Variants in XIRP2 observed in about 807,000 individuals in gnomAD.
XIRP2 encodes xin actin-binding repeat-containing protein 2.
A neutral mutation model predicts 277.0 loss-of-function variants in XIRP2; 236 were observed. The observed-to-expected ratio is 0.85, with a 90% CI of 0.77 to 0.95. XIRP2 has a LOEUF of 0.95. Ranked by LOEUF, XIRP2 falls within the 40% of genes least tolerant of loss-of-function variation. The probability of loss-of-function intolerance (pLI) is 0.00; values close to 1 mark genes in which losing one functional copy is unlikely to be tolerated. For missense variants in XIRP2, 4,640 were observed against 4,157.5 expected (o/e 1.12, Z -3.19); for synonymous variants, 1,490 against 1,416.5 (o/e 1.05, Z -1.17).
At chr2:166,986,359 G>A (rs1356780970) in intron 2 of XIRP2, among the ~76,000 whole-genome samples, 1 of 152,214 alleles carries the variant, frequency 6.6e-6, no homozygotes, top group African/African-American at 2.4e-5. Context: ...CCACTGGAGA[G>A]AGGATTTTTA....
In XIRP2 at chr2:167,075,997, A is replaced by T. The variant is rs114745013; in HGVS notation, c.409-59912A>T. On this transcript the variant is annotated intron_variant, in intron 2 of 10. Transcript: ENST00000409195. The stretch of plus-strand genomic sequence containing the variant: ...AGCCAAGACTTGTCTTTCAACAAGA[A>T]CTAATGAGCACTCAGTTTGCAGAAT... Among the ~76,000 whole-genome samples, 1,065 of 152,188 alleles carry T rather than the reference A, an allele frequency of 7.0e-3. 13 individuals carry two copies. Among genetic ancestry groups the T allele is most frequent in the African/African-American group, 0.024 (1,008 of 41,508 alleles).
intron 2 of XIRP2, among the ~76,000 whole-genome samples, chr2:166,988,259 C>G (rs1687066974): frequency 6.6e-6 from 1 of 152,104 alleles, no homozygotes; most frequent in African/African-American, 2.4e-5. Flanking sequence ...AAGAAAACCG[C>G]AGACAAACCC....
chr2:167,000,385 T>C (rs549832379), intron 2 of XIRP2, among the ~76,000 whole-genome samples: 1 of 152,254 alleles, frequency 6.6e-6, no homozygotes, highest in East Asian at 1.9e-4. Flanking sequence ...CCTGTAGAGT[T>C]TCCTTAATTG....
At chr2:166,975,186 A>T (rs1012284414) in intron 2 of XIRP2, among the ~76,000 whole-genome samples, 2 of 152,214 alleles carry the variant, frequency 1.3e-5, no homozygotes, top group African/African-American at 4.8e-5. Context: ...GGATAAATAG[A>T]TCTACAACAG....
intron 2 of XIRP2, among the ~76,000 whole-genome samples, chr2:166,944,049 A>T (rs753356697): frequency 3.3e-5 from 5 of 152,190 alleles, no homozygotes; most frequent in Non-Finnish European, 7.4e-5. Flanking sequence ...GACCCTCTGA[A>T]TTGTTTCCCA....
chr2:167,039,351 T>C (rs750754825), intron 2 of XIRP2, among the ~76,000 whole-genome samples: 1 of 152,194 alleles, frequency 6.6e-6, no homozygotes, highest in Non-Finnish European at 1.5e-5. Flanking sequence ...ACAGTATTTG[T>C]TACATGCCAG....
chr2:167,186,416 T>C (rs759129535), intron 3 of XIRP2, among the ~76,000 whole-genome samples: 1 of 152,218 alleles, frequency 6.6e-6, no homozygotes, highest in Non-Finnish European at 1.5e-5. Context: ...ATAGAGTATA[T>C]AGGTCAGGTG....
rs535013019 is a variant in XIRP2 at position 167,127,760 on chromosome 2, A to G, written c.409-8149A>G. ...TTAATTCACTTCCTGGCCCTTAAGAATGAAACTCCAGCATCATTTTTAAAG... is the reference window on the plus strand; with the variant it reads ...TTAATTCACTTCCTGGCCCTTAAGAGTGAAACTCCAGCATCATTTTTAAAG... On this transcript the variant is annotated intron_variant, in intron 2 of 10. Transcript: ENST00000409195. Among the ~76,000 whole-genome samples, 16 of 152,332 alleles carry G rather than the reference A, an allele frequency of 1.1e-4. 1 individual carries two copies. In the South Asian group the frequency reaches 3.3e-3, roughly 32 times the overall value.
At chr2:167,132,185 T>G (rs915170000) in intron 2 of XIRP2, among the ~76,000 whole-genome samples, 4 of 152,136 alleles carry the variant, frequency 2.6e-5, no homozygotes, top group African/African-American at 9.7e-5. Flanking sequence ...AACTGCTCTT[T>G]CCACATGTAT....
chr2:167,204,151 G>C (rs952323414), intron 3 of XIRP2, among the ~76,000 whole-genome samples: 1 of 151,978 alleles, frequency 6.6e-6, no homozygotes, highest in Non-Finnish European at 1.5e-5. Flanking sequence ...TTAAATGAAG[G>C]CTTCTTACAT....
chr2:167,106,381 A>G (rs188307034), intron 2 of XIRP2, among the ~76,000 whole-genome samples: 2 of 151,864 alleles, frequency 1.3e-5, no homozygotes, highest in Admixed American at 1.3e-4. Flanking sequence ...GTTTCTGCCT[A>G]TTGATATCCA....
In XIRP2 at chr2:167,248,048, C is replaced by T; in HGVS notation, c.6656C>T (p.Thr2219Ile). ...CAGCTTTTGCCTGTAGAGCAAGACACATCCAATGTAACAGAAATGAAAGTC... is the reference window on the plus strand; with the variant it reads ...CAGCTTTTGCCTGTAGAGCAAGACATATCCAATGTAACAGAAATGAAAGTC... ...MWQLLPVEQD[T>I]SNVTEMKVSE... The change falls in exon 9 of 11, where the codon ACA (threonine) becomes ATA (isoleucine). Residue 2219 changes from threonine (T) to isoleucine (I), a missense_variant. Transcript: ENST00000409195. The T allele has an allele frequency of 6.2e-7, 1 of 1,613,610 alleles. No individual in the cohort carries two copies. Among genetic ancestry groups the T allele is most frequent in the Non-Finnish European group, 8.5e-7 (1 of 1,179,740 alleles).
At chr2:167,190,870 T>G (rs1693308753) in intron 3 of XIRP2, among the ~76,000 whole-genome samples, 1 of 152,090 alleles carries the variant, frequency 6.6e-6, no homozygotes, top group Non-Finnish European at 1.5e-5. Flanking sequence ...TAATCCACAT[T>G]CTTGGTAGAA....
chr2:167,153,720 C>A (rs937343754), intron 3 of XIRP2, among the ~76,000 whole-genome samples: 47 of 151,830 alleles, frequency 3.1e-4, no homozygotes, highest in Admixed American at 3.0e-3. Flanking sequence ...CATCCATGTC[C>A]CTAAAAAGGA....
chr2:166,982,509 A>G (rs976940707), intron 2 of XIRP2, among the ~76,000 whole-genome samples: 2 of 151,482 alleles, frequency 1.3e-5, no homozygotes, highest in Non-Finnish European at 2.9e-5. Flanking sequence ...GGAAGACTAG[A>G]CCTCTATCAT....
At position 167,259,235 on chromosome 2, in the gene XIRP2, A is replaced by C; in HGVS notation, c.*1418A>C. The C allele has an allele frequency of 6.2e-7, 1 of 1,613,464 alleles. No homozygotes were observed. The highest frequency in any genetic ancestry group is 8.5e-7 in the Non-Finnish European group (1 of 1,179,618). On this transcript the variant is annotated 3_prime_UTR_variant, in exon 11 of 11. Coordinates refer to ENST00000409195, the MANE Select transcript of XIRP2 (RefSeq NM_152381.6). ...AGAAGCTGCCCGCAATAATGAAAACACAGGTTTTGATGCTCTGAGCCATGA... is the reference window on the plus strand; with the variant it reads ...AGAAGCTGCCCGCAATAATGAAAACCCAGGTTTTGATGCTCTGAGCCATGA...
At chr2:167,086,481 C>T (rs1262404478) in intron 2 of XIRP2, among the ~76,000 whole-genome samples, 3 of 151,462 alleles carry the variant, frequency 2.0e-5, no homozygotes, top group Non-Finnish European at 3.0e-5. Context: ...TGAATCTGAA[C>T]GTTGGCCTGC....
At chr2:167,111,952 T>A (rs1050587163) in intron 2 of XIRP2, among the ~76,000 whole-genome samples, 7 of 152,182 alleles carry the variant, frequency 4.6e-5, no homozygotes, top group African/African-American at 1.7e-4. Flanking sequence ...TTCACAGAGG[T>A]GTTCATAGTA....
intron 2 of XIRP2, among the ~76,000 whole-genome samples, chr2:167,038,213 T>G (rs1659346410): frequency 6.6e-6 from 1 of 152,020 alleles, no homozygotes; most frequent in African/African-American, 2.4e-5. Context: ...TAGTTCAAAG[T>G]TGCTATTTTT....
Sources: gnomAD v4.1 joint callset for allele counts (sites outside exome capture counted in the v4.1 genomes callset) on GRCh38, gnomAD v4.1.1 for gene constraint, MANE v1.5 for transcripts, NCBI Gene and HGNC (gene_info 2026-07-23, HGNC 2026-07-21) for gene names.